The following ANKS1A variants were observed in gnomAD, a reference collection of about 807,000 sequenced individuals.
The protein encoded by ANKS1A is ankyrin repeat and sterile alpha motif domain containing 1A.
In ANKS1A, 55 loss-of-function variants were observed where a neutral mutation model predicts 120.3. The observed-to-expected ratio is 0.46, with a 90% CI of 0.37 to 0.57. The LOEUF is 0.57. Ranked by LOEUF, ANKS1A falls within the 20% of genes least tolerant of loss-of-function variation. The probability of loss-of-function intolerance (pLI) is 0.00; values close to 1 mark genes in which losing one functional copy is unlikely to be tolerated. For missense variants in ANKS1A, 1,123 were observed against 1,480.3 expected (o/e 0.76, Z 3.96); for synonymous variants, 590 against 604.7 (o/e 0.98, Z 0.36).
intron 12 of ANKS1A, among the ~76,000 whole-genome samples, chr6:35,059,312 G>T (rs1053293259): frequency 6.6e-6 from 1 of 152,238 alleles, no homozygotes; most frequent in African/African-American, 2.4e-5. Flanking sequence ...CGCGCAGCCC[G>T]GCGGAATGCG....
chr6:34,961,533 T>A (rs1479294439), intron 1 of ANKS1A, among the ~76,000 whole-genome samples: 1 of 152,252 alleles, frequency 6.6e-6, no homozygotes. Context: ...TTTTCTTTTC[T>A]AATTGTTTTG....
intron 9 of ANKS1A, among the ~76,000 whole-genome samples, chr6:34,993,100 TAGCCAAACTG>T (rs1772663287): frequency 6.6e-6 from 1 of 152,230 alleles, no homozygotes; most frequent in African/African-American, 2.4e-5. Flanking sequence ...TTACTTGTCC[TAGCCAAACTG>T]ATCAAGAAGA....
chr6:34,983,274 T>C lies in ANKS1A; in HGVS notation c.911-50T>C, dbSNP rs375655597. On this transcript the variant is annotated intron_variant, in intron 6 of 23. Coordinates refer to ENST00000360359, the MANE Select transcript of ANKS1A (RefSeq NM_015245.3). ...GACACACGAATTGAACCAAGGCATT[T>C]GTATTTGGTGCAGCACTTTTTATTT... 133 of 1,610,866 alleles carry C rather than the reference T, an allele frequency of 8.3e-5. No homozygotes were observed. In the African/African-American group the frequency reaches 1.7e-3, roughly 21 times the overall value.
intron 12 of ANKS1A, among the ~76,000 whole-genome samples, chr6:35,055,974 G>A (rs1776203125): frequency 6.6e-6 from 1 of 152,222 alleles, no homozygotes; most frequent in Non-Finnish European, 1.5e-5. Flanking sequence ...GGAAATGGAT[G>A]TTCAGGACTG....
At chr6:34,981,418 AACC>A in intron 3 of ANKS1A, among the ~76,000 whole-genome samples, 1 of 152,124 alleles carries the variant, frequency 6.6e-6, no homozygotes, top group Non-Finnish European at 1.5e-5. Context: ...CTCTCCTTAC[AACC>A]TGGAGACCCT....
Position 35,083,413 on chromosome 6 carries a change from G to A in ANKS1A, c.2908-4G>A, listed in dbSNP as rs1407423370. 6.2e-7 allele frequency: 1 copy of A among 1,614,008 alleles called. No individual in the cohort carries two copies. The highest frequency in any genetic ancestry group is 8.5e-7 in the Non-Finnish European group (1 of 1,179,918). On this transcript the variant is annotated splice_region_variant and splice_polypyrimidine_tract_variant and intron_variant, in intron 19 of 23. Coordinates refer to ENST00000360359, the MANE Select transcript of ANKS1A (RefSeq NM_015245.3). Reference sequence around the variant, plus strand: ...CTGACAGGGCCACCCCTTGTTTCCTGTAGAAATCTACGGAGCACATGAAGA... The same window carrying A: ...CTGACAGGGCCACCCCTTGTTTCCTATAGAAATCTACGGAGCACATGAAGA...
intron 11 of ANKS1A, among the ~76,000 whole-genome samples, chr6:35,030,418 A>G (rs1581672163): frequency 1.3e-5 from 2 of 152,226 alleles, no homozygotes; most frequent in African/African-American, 4.8e-5. Flanking sequence ...AAGTGAGGTG[A>G]TGATTTCTGG....
At position 35,089,587 on chromosome 6, in the gene ANKS1A, G is replaced by A. The variant is rs529396988; in HGVS notation, c.*978G>A. 24 of 986,540 alleles carry A rather than the reference G, an allele frequency of 2.4e-5. No homozygotes were observed. In the East Asian group the frequency reaches 4.5e-4, roughly 19 times the overall value. The allele number at this position is 986,540 out of a possible 1,614,324, so 61.1% of individuals were successfully genotyped here. A position where few individuals can be genotyped will look rare whatever the true frequency, so the allele number is the denominator to read the frequency against. On this transcript the variant is annotated 3_prime_UTR_variant, in exon 24 of 24. Transcript: ENST00000360359. ...TGATTCTCTGAATTATCGGTTTGAC[G>A]GTTACACTTGGCTGCTGGGCCCATC...
In ANKS1A at chr6:34,941,527, C is replaced by T. The variant is rs7748737; in HGVS notation, c.198-25712C>T. ...AAGCAATCCTCCCACCTCGGCCTCA[C>T]AAAGTATTGGGATTACAGGCATGAG... On this transcript the variant is annotated intron_variant, in intron 1 of 23. Coordinates refer to ENST00000360359, the MANE Select transcript of ANKS1A (RefSeq NM_015245.3). 7.6e-3 allele frequency among the ~76,000 whole-genome samples: 1,162 copies of T among 152,232 alleles called. 21 individuals are homozygous for T. Among genetic ancestry groups the T allele is most frequent in the African/African-American group, 0.026 (1,062 of 41,518 alleles).
chr6:34,994,731 A>G (rs1772760772), intron 10 of ANKS1A, among the ~76,000 whole-genome samples: 1 of 152,232 alleles, frequency 6.6e-6, no homozygotes, highest in African/African-American at 2.4e-5. Context: ...GTCTCAAATC[A>G]TAAACCCTCA....
chr6:35,095,778 A>G (rs748912013), downstream of ANKS1A, among the ~76,000 whole-genome samples: 6 of 152,034 alleles, frequency 3.9e-5, no homozygotes, highest in Admixed American at 1.3e-4. Flanking sequence ...ACCTTATACC[A>G]AAAAAATACT....
At chr6:34,983,833 C>A (rs1561890629) in intron 7 of ANKS1A, among the ~76,000 whole-genome samples, 1 of 150,534 alleles carries the variant, frequency 6.6e-6, no homozygotes, top group Admixed American at 6.6e-5. Flanking sequence ...ACTCTGTTGC[C>A]CAGGCTGGAG....
At chr6:35,093,757 A>G (rs184721154), downstream of ANKS1A, among the ~76,000 whole-genome samples, 5 of 152,338 alleles carry the variant, frequency 3.3e-5, no homozygotes, top group East Asian at 9.6e-4. Context: ...AGGACCAGGA[A>G]AGGGGCAGCT....
At chr6:34,991,541 T>TACACACAC (rs149416311) in intron 9 of ANKS1A, among the ~76,000 whole-genome samples, 27 of 138,490 alleles carry the variant, frequency 1.9e-4, no homozygotes, top group African/African-American at 5.3e-4. Context: ...AAAAAATATA[T>TACACACAC]ACACACACAC....
chr6:34,900,734 CAG>C (rs1039335642), intron 1 of ANKS1A, among the ~76,000 whole-genome samples: 1 of 152,106 alleles, frequency 6.6e-6, no homozygotes, highest in Non-Finnish European at 1.5e-5. Context: ...AGACAGGCCC[CAG>C]AGTCTTTGCT....
chr6:35,060,858 G>A lies in ANKS1A; in HGVS notation c.2184+605G>A, dbSNP rs1776460284. On this transcript the variant is annotated intron_variant, in intron 13 of 23. Transcript: ENST00000360359. The surrounding 1 kb of genome is among the most constrained non-coding windows in gnomAD (Gnocchi z 4.5). Reference sequence around the variant, plus strand: ...TTTCCTCTGGATCCCTGCAGAATAGGGACCCATTTAGGACCCTGGGCTCAG... The same window carrying A: ...TTTCCTCTGGATCCCTGCAGAATAGAGACCCATTTAGGACCCTGGGCTCAG... Among the ~76,000 whole-genome samples the A allele has an allele frequency of 6.6e-6, 1 of 152,112 alleles. No individual in the cohort carries two copies. The highest frequency in any genetic ancestry group is 1.5e-5 in the Non-Finnish European group (1 of 68,028).
chr6:35,080,614 G>C (rs969140230), intron 16 of ANKS1A, among the ~76,000 whole-genome samples: 5 of 152,206 alleles, frequency 3.3e-5, no homozygotes, highest in Admixed American at 6.5e-5. Flanking sequence ...ACACACAACT[G>C]ACATTCAGAT....
intron 1 of ANKS1A, among the ~76,000 whole-genome samples, chr6:34,963,894 A>G (rs753775318): frequency 3.9e-5 from 6 of 152,088 alleles, no homozygotes; most frequent in East Asian, 1.9e-4. Flanking sequence ...TCATATACCT[A>G]TTGGCCATTT....
chr6:35,066,114 G>A (rs820076), intron 13 of ANKS1A, among the ~76,000 whole-genome samples: 65,911 of 152,070 alleles, frequency 0.43, 14,854 homozygotes, highest in East Asian at 0.61. Context: ...CGTCTGTCAC[G>A]CGGGCCTTCA....
Sources: allele counts gnomAD v4.1 joint callset (sites outside exome capture counted in the v4.1 genomes callset), GRCh38; gene constraint gnomAD v4.1.1; non-coding constraint Gnocchi (gnomAD v3.1); transcripts MANE v1.5; gene names NCBI Gene and HGNC (gene_info 2026-07-23, HGNC 2026-07-21).